Variants in CHCHD6 observed in about 807,000 individuals in gnomAD.
CHCHD6 encodes coiled-coil-helix-coiled-coil-helix domain containing 6.
A neutral mutation model predicts 32.3 loss-of-function variants in CHCHD6; 28 were observed. The observed-to-expected ratio is 0.87, with a 90% CI of 0.64 to 1.19. The LOEUF (loss-of-function observed/expected upper bound fraction) is 1.19, where lower values mean the gene tolerates loss of function less well. CHCHD6 is among the 50% of genes most tolerant of loss of function. CHCHD6 has a pLI of 0.00. For synonymous variants in CHCHD6, 122 were observed against 117.5 expected, an observed-to-expected ratio of 1.04 and a Z score of -0.25; for missense variants, 333 against 307.0, an observed-to-expected ratio of 1.08 and a Z score of -0.63.
chr3:126,786,277 G>A (rs559455300), intron 4 of CHCHD6, among the ~76,000 whole-genome samples: 14 of 152,202 alleles, frequency 9.2e-5, no homozygotes, highest in Admixed American at 2.6e-4. Context: ...GAATGGTGCC[G>A]CAATAAACAT....
chr3:126,941,867 T>C (rs1004890982), intron 6 of CHCHD6, among the ~76,000 whole-genome samples: 16 of 152,188 alleles, frequency 1.1e-4, no homozygotes, highest in Non-Finnish European at 2.2e-4. Flanking sequence ...CTGCTGCCGA[T>C]GAGGAAATCA....
intron 4 of CHCHD6, among the ~76,000 whole-genome samples, chr3:126,814,829 C>T (rs564521065): frequency 4.6e-5 from 7 of 152,208 alleles, no homozygotes; most frequent in East Asian, 3.9e-4. Flanking sequence ...AGTCAGTCAG[C>T]GTTCTGGAGG....
In CHCHD6 at chr3:126,848,223, G is replaced by A. The variant is rs1000699436; in HGVS notation, c.412-4424G>A. On this transcript the variant is annotated intron_variant, in intron 4 of 7. Transcript: ENST00000290913. ...GCTCCTGGACTCAAGCAATCCTCCC[G>A]ACTTTTTATCTTTGTCTTCTATTAC... is the stretch of plus-strand genomic sequence containing the variant. 3.3e-5 allele frequency among the ~76,000 whole-genome samples: 5 copies of A among 152,224 alleles called. 1 individual carries two copies. Among genetic ancestry groups the A allele is most frequent in the Admixed American group, 6.5e-5 (1 of 15,290 alleles).
intron 2 of CHCHD6, among the ~76,000 whole-genome samples, chr3:126,728,183 C>A (rs1191680971): frequency 6.6e-6 from 1 of 152,172 alleles, no homozygotes; most frequent in East Asian, 1.9e-4. Flanking sequence ...CACCCAGAAC[C>A]AAGTCCTGTG....
rs140133025 is a variant in CHCHD6, at chr3:126,950,822, C to T, written c.567-6594C>T. 2.6e-5 allele frequency among the ~76,000 whole-genome samples: 4 copies of T among 152,254 alleles called. No homozygotes were observed. In the East Asian group the frequency reaches 7.7e-4, roughly 29 times the overall value. On this transcript the variant is annotated intron_variant, in intron 6 of 7. Coordinates refer to ENST00000290913, the MANE Select transcript of CHCHD6 (RefSeq NM_032343.3). ...GCTATGATGTGAAGGAGAGGGTGTT[C>T]AGAAGCTTGTCATGGGTGGATGGGG...
intron 1 of CHCHD6, among the ~76,000 whole-genome samples, chr3:126,726,294 G>T (rs1267914071): frequency 6.6e-6 from 1 of 152,156 alleles, no homozygotes. Context: ...CTCATTGCTG[G>T]AGCCATCAGA....
chr3:126,864,931 A>ACCATCATCT (rs796234687), intron 5 of CHCHD6, among the ~76,000 whole-genome samples: 1 of 100,224 alleles, frequency 1.0e-5, no homozygotes, highest in African/African-American at 4.6e-5. Flanking sequence ...CTCCACCATC[A>ACCATCATCT]CCTCCTCCTC....
Position 126,852,693 on chromosome 3 carries a change from C to T in CHCHD6, c.458C>T (p.Thr153Ile). The T allele has an allele frequency of 6.2e-7, 1 of 1,613,806 alleles. No individual in the cohort carries two copies. Among genetic ancestry groups the T allele is most frequent in the African/African-American group, 1.3e-5 (1 of 75,008 alleles). ...SREAELRRRDTFYKEQLERIE... is the reference protein window; with the variant it reads ...SREAELRRRDIFYKEQLERIE... Reference sequence around the variant, plus strand: ...GAGGCAGAGCTAAGACGCCGTGACACCTTCTACAAGGAGCAGCTGGAGCGT... The same window carrying T: ...GAGGCAGAGCTAAGACGCCGTGACATCTTCTACAAGGAGCAGCTGGAGCGT... Residue 153 changes from threonine to isoleucine, a missense_variant, in exon 5 of 8, where the codon ACC becomes ATC. Coordinates refer to ENST00000290913, the MANE Select transcript of CHCHD6 (RefSeq NM_032343.3).
At chr3:126,922,921 G>A (rs976789265) in intron 6 of CHCHD6, among the ~76,000 whole-genome samples, 7 of 152,200 alleles carry the variant, frequency 4.6e-5, no homozygotes, top group Admixed American at 1.3e-4. Flanking sequence ...CCGGGTGGCA[G>A]TTTTCTCTCA....
chr3:126,846,816 G>A (rs1034276924), intron 4 of CHCHD6, among the ~76,000 whole-genome samples: 20 of 152,042 alleles, frequency 1.3e-4, no homozygotes, highest in Admixed American at 7.9e-4. Flanking sequence ...CATTATTTTC[G>A]CACGTACACG....
At chr3:126,715,425 C>A (rs1934962769) in intron 1 of CHCHD6, among the ~76,000 whole-genome samples, 1 of 152,170 alleles carries the variant, frequency 6.6e-6, no homozygotes, top group Non-Finnish European at 1.5e-5. Context: ...TAAATAGGCA[C>A]CCTTATCATC....
At chr3:126,818,378 A>G (rs1043198113) in intron 4 of CHCHD6, among the ~76,000 whole-genome samples, 3 of 152,134 alleles carry the variant, frequency 2.0e-5, no homozygotes, top group Non-Finnish European at 4.4e-5. Flanking sequence ...TGAGCGTTCC[A>G]CCCAGAAGTT....
chr3:126,799,505 C>CA (rs1011032427), intron 4 of CHCHD6, among the ~76,000 whole-genome samples: 1 of 152,178 alleles, frequency 6.6e-6, no homozygotes, highest in Non-Finnish European at 1.5e-5. Context: ...CTTTAGAAAA[C>CA]AAACAGGACG....
At chr3:126,864,644 TTTTTTC>T (rs1191013016) in intron 5 of CHCHD6, among the ~76,000 whole-genome samples, 1 of 127,936 alleles carries the variant, frequency 7.8e-6, no homozygotes, top group African/African-American at 3.1e-5. Context: ...CACCATTACC[TTTTTTC>T]CTCCTCCTCC....
At chr3:126,958,847 C>T (rs930973165) in intron 7 of CHCHD6, among the ~76,000 whole-genome samples, 3 of 152,192 alleles carry the variant, frequency 2.0e-5, no homozygotes, top group Non-Finnish European at 4.4e-5. Context: ...CAGACCAGGG[C>T]CCTTCGCACC....
At chr3:126,879,988 C>CTTGTT in intron 5 of CHCHD6, among the ~76,000 whole-genome samples, 1 of 152,098 alleles carries the variant, frequency 6.6e-6, no homozygotes, top group Non-Finnish European at 1.5e-5. Flanking sequence ...TTGGGTAAAC[C>CTTGTT]TACACCCAGA....
At chr3:126,723,158 T>C (rs142584108) in intron 1 of CHCHD6, among the ~76,000 whole-genome samples, 1,537 of 152,332 alleles carry the variant, frequency 0.01, 6 homozygotes, top group Non-Finnish European at 0.018. Flanking sequence ...TCCATTGATA[T>C]GTTTGGTCTT....
chr3:126,746,694 C>G (rs888330237), intron 4 of CHCHD6, among the ~76,000 whole-genome samples: 1 of 152,236 alleles, frequency 6.6e-6, no homozygotes, highest in Non-Finnish European at 1.5e-5. Flanking sequence ...GAATTTCAAG[C>G]AGCCGCGAGG....
intron 5 of CHCHD6, among the ~76,000 whole-genome samples, chr3:126,886,832 C>T (rs2077686130): frequency 6.6e-6 from 1 of 152,152 alleles, no homozygotes; most frequent in South Asian, 2.1e-4. Flanking sequence ...GCCAGTGCCC[C>T]TGTCAGATGG....
Sources: allele counts gnomAD v4.1 joint callset (sites outside exome capture counted in the v4.1 genomes callset), GRCh38; gene constraint gnomAD v4.1.1; transcripts MANE v1.5; gene names NCBI Gene and HGNC (gene_info 2026-07-23, HGNC 2026-07-21).